The following TXNDC12 variants were observed in gnomAD, a reference collection of about 807,000 sequenced individuals.
The protein encoded by TXNDC12 is thioredoxin domain containing 12, also known as thioredoxin domain-containing protein 12.
A neutral mutation model predicts 24.2 loss-of-function variants in TXNDC12; 22 were observed. The ratio of observed to expected loss-of-function variants is 0.91; its 90% CI spans 0.65 to 1.30. TXNDC12 has a LOEUF of 1.30. Ranked by LOEUF, TXNDC12 falls within the 50% of genes most tolerant of loss-of-function variation. TXNDC12 has a pLI of 0.00. For missense variants in TXNDC12, 184 were observed against 205.8 expected, an observed-to-expected ratio of 0.89 and a Z score of 0.65; for synonymous variants, 58 against 73.4, an observed-to-expected ratio of 0.79 and a Z score of 1.07.
intron 1 of TXNDC12, among the ~76,000 whole-genome samples, chr1:52,054,146 A>G (rs2124399118): frequency 6.6e-6 from 1 of 152,286 alleles, no homozygotes; most frequent in Admixed American, 6.5e-5. Context: ...ATAGATGTGA[A>G]AATAGAGAGG....
Position 52,055,108 on chromosome 1 carries a change from C to A in TXNDC12, c.-12G>T. 6.2e-7 allele frequency: 1 copy of A among 1,606,562 alleles called. No homozygotes were observed. Among genetic ancestry groups the A allele is most frequent in the South Asian group, 1.1e-5 (1 of 90,866 alleles). On this transcript the variant is annotated 5_prime_UTR_variant, in exon 1 of 7. Coordinates refer to ENST00000371626, the MANE Select transcript of TXNDC12 (RefSeq NM_015913.4). ...GGCCGCGTCTCCATGGCAGTAGGTG[C>A]GCGGGGCCACGGGGCTGAGCGGACG...
At position 52,024,561 on chromosome 1, in the gene TXNDC12, CT is replaced by C; in HGVS notation, c.303del (p.Asp102MetfsTer50). On this transcript the variant is annotated frameshift_variant, in exon 5 of 7. Coordinates refer to ENST00000371626, the MANE Select transcript of TXNDC12 (RefSeq NM_015913.4). LOFTEE classifies it high-confidence loss of function. ...CCCCCGTCAGGGCTGAAATCTTCAT[CT>C]TTGGGTTCCTCTTCATCCTATTAAG... ...MVNLEDEEEPKDEDFSPDGGY... is the reference protein window; with the variant it reads ...MVNLEDEEEPXDEDFSPDGGY... The C allele has an allele frequency of 6.2e-7, 1 of 1,611,792 alleles. No individual in the cohort carries two copies. The highest frequency in any genetic ancestry group is 8.5e-7 in the Non-Finnish European group (1 of 1,178,592).
intron 6 of TXNDC12, 49 bp downstream of exon 6, chr1:52,023,442 T>C (rs768818993): frequency 2.7e-6 from 4 of 1,460,160 alleles, no homozygotes; most frequent in Non-Finnish European, 1.9e-6. Context: ...ATGTGGTTCA[T>C]CCTAGTTCAA....
intron 3 of TXNDC12, 26 bp from the exon 4 acceptor site, chr1:52,027,374 G>A: frequency 6.5e-7 from 1 of 1,544,924 alleles, no homozygotes; most frequent in Non-Finnish European, 8.9e-7. Context: ...TTTTGGAATA[G>A]AAGAAAAAAC....
chr1:52,022,203 C>T (rs1169595714), intron 6 of TXNDC12, among the ~76,000 whole-genome samples: 1 of 152,132 alleles, frequency 6.6e-6, no homozygotes, highest in Non-Finnish European at 1.5e-5. Flanking sequence ...ATAAAGTGAT[C>T]AACAGCCTGG....
intron 1 of TXNDC12, among the ~76,000 whole-genome samples, chr1:52,051,444 T>C (rs1173085221): frequency 2.0e-5 from 3 of 152,024 alleles, no homozygotes; most frequent in African/African-American, 7.2e-5. Flanking sequence ...GGCACTATCT[T>C]GGCTCACTGC....
intron 4 of TXNDC12, among the ~76,000 whole-genome samples, chr1:52,027,034 TAA>T (rs772080465): frequency 1.4e-5 from 2 of 142,342 alleles, no homozygotes. Flanking sequence ...AGACTCCATA[TAA>T]AAAAAAAAAA....
intron 2 of TXNDC12, among the ~76,000 whole-genome samples, chr1:52,040,601 T>C (rs1420861017): frequency 6.6e-6 from 1 of 152,236 alleles, no homozygotes; most frequent in Non-Finnish European, 1.5e-5. Flanking sequence ...CATACCAATT[T>C]TTTAAGTTTT....
intron 2 of TXNDC12, among the ~76,000 whole-genome samples, chr1:52,038,892 T>C (rs1354157609): frequency 8.1e-6 from 1 of 123,126 alleles, no homozygotes; most frequent in African/African-American, 2.9e-5. Flanking sequence ...TTCTTTTTTT[T>C]TTCTTTTTCT....
intron 6 of TXNDC12, among the ~76,000 whole-genome samples, chr1:52,021,716 T>TA (rs1685600196): frequency 6.6e-6 from 1 of 152,156 alleles, no homozygotes; most frequent in African/African-American, 2.4e-5. Context: ...ATGGTGGTTC[T>TA]ACAAAGCACC....
chr1:52,028,062 T>G (rs529400528), intron 3 of TXNDC12, among the ~76,000 whole-genome samples: 1 of 152,132 alleles, frequency 6.6e-6, no homozygotes, highest in East Asian at 1.9e-4. Flanking sequence ...TGGCCTCAAG[T>G]GATCTGCCCG....
intron 2 of TXNDC12, chr1:52,032,730 C>CA (rs1348509938): frequency 6.2e-7 from 1 of 1,612,468 alleles, no homozygotes; most frequent in African/African-American, 1.3e-5. Flanking sequence ...ACTGAAGAAA[C>CA]ATGTTGGCCA....
At chr1:52,022,126 G>A (rs1003877260) in intron 6 of TXNDC12, among the ~76,000 whole-genome samples, 1 of 152,174 alleles carries the variant, frequency 6.6e-6, no homozygotes, top group Non-Finnish European at 1.5e-5. Context: ...AGGGGAAGAA[G>A]GTAATAGCTT....
chr1:52,044,657 C>G (rs1686054466), intron 1 of TXNDC12, among the ~76,000 whole-genome samples: 1 of 152,164 alleles, frequency 6.6e-6, no homozygotes, highest in Admixed American at 6.6e-5. Context: ...ATCACAAAAA[C>G]AGGCATGCAG....
At chr1:52,026,012 G>T (rs938284909) in intron 4 of TXNDC12, among the ~76,000 whole-genome samples, 4 of 151,912 alleles carry the variant, frequency 2.6e-5, no homozygotes, top group African/African-American at 9.7e-5. Context: ...TGTATTTTTA[G>T]TAGAGACAGG....
intron 4 of TXNDC12, among the ~76,000 whole-genome samples, chr1:52,027,053 G>A (rs1016817459): frequency 2.0e-5 from 3 of 151,652 alleles, no homozygotes; most frequent in African/African-American, 4.8e-5. Flanking sequence ...AAAAAATTTA[G>A]TCATCTTATT....
chr1:52,028,112 A>C (rs1051984434), intron 3 of TXNDC12, among the ~76,000 whole-genome samples: 1 of 152,064 alleles, frequency 6.6e-6, no homozygotes, highest in East Asian at 1.9e-4. Flanking sequence ...GGCATGAGCC[A>C]CTGCGCCTGG....
intron 4 of TXNDC12, among the ~76,000 whole-genome samples, chr1:52,025,823 C>T (rs1571998029): frequency 1.4e-5 from 2 of 142,470 alleles, no homozygotes; most frequent in Admixed American, 1.4e-4. Flanking sequence ...TAAACATTAT[C>T]TTTTTTTTTT....
intron 5 of TXNDC12, 32 bp downstream of exon 5, chr1:52,024,478 A>G: frequency 6.4e-7 from 1 of 1,552,528 alleles, no homozygotes; most frequent in Middle Eastern, 1.7e-4. Flanking sequence ...CATCCACATC[A>G]TGGATTCCCA....
Sources: gnomAD v4.1 joint callset for allele counts (sites outside exome capture counted in the v4.1 genomes callset) on GRCh38, gnomAD v4.1.1 for gene constraint, MANE v1.5 for transcripts, NCBI Gene and HGNC (gene_info 2026-07-23, HGNC 2026-07-21) for gene names.